Variants in SRGAP2B observed in about 807,000 individuals in gnomAD.
The protein encoded by SRGAP2B is SLIT-ROBO Rho GTPase-activating protein 2B.
In SRGAP2B, 9 loss-of-function variants were observed where a neutral mutation model predicts 22.2. The observed-to-expected ratio is 0.41, with a 90% CI of 0.24 to 0.71. SRGAP2B has a LOEUF of 0.71. Among genes scored for constraint, SRGAP2B ranks in the 30% least tolerant of loss-of-function variants. The probability of loss-of-function intolerance (pLI) is 0.35; values close to 1 mark genes in which losing one functional copy is unlikely to be tolerated. For synonymous variants in SRGAP2B, 36 were observed against 87.4 expected (o/e 0.41, Z 3.28); for missense variants, 114 against 235.8 (o/e 0.48, Z 3.38).
chr1:145,006,303 G>A (rs1440712909), intron 2 of SRGAP2B, among the ~76,000 whole-genome samples: 2 of 150,876 alleles, frequency 1.3e-5, no homozygotes, highest in East Asian at 3.9e-4. Flanking sequence ...AGATGCAGTA[G>A]CTTCACATAG....
intron 6 of SRGAP2B, among the ~76,000 whole-genome samples, chr1:144,905,479 C>G (rs1362949055): frequency 6.7e-6 from 1 of 149,624 alleles, no homozygotes; most frequent in Admixed American, 6.6e-5. Flanking sequence ...TTCATTCTTG[C>G]AATGCCACTC....
intron 2 of SRGAP2B, among the ~76,000 whole-genome samples, chr1:145,061,821 T>C (rs1240533486): frequency 7.6e-6 from 1 of 131,644 alleles, no homozygotes; most frequent in Non-Finnish European, 1.6e-5. Context: ...CATTTACATA[T>C]TTTTAAGTTA....
At position 144,932,429 on chromosome 1, in the gene SRGAP2B, C is replaced by T. The variant is rs1553344255; in HGVS notation, c.424-17675G>A. 5.3e-5 allele frequency among the ~76,000 whole-genome samples: 8 copies of T among 151,116 alleles called. 1 individual carries two copies. Among genetic ancestry groups the T allele is most frequent in the African/African-American group, 9.9e-5 (4 of 40,512 alleles). On this transcript the variant is annotated intron_variant, in intron 4 of 9. Coordinates refer to ENST00000612199, the Ensembl canonical transcript of SRGAP2B. ...GTAGATGGGGTGGACTCGTCAGTTC[C>T]GCATTCCTCCTGGCATTAGGGCTTT...
Position 145,040,429 on chromosome 1 carries a change from A to C in SRGAP2B, c.68-45229T>G, listed in dbSNP as rs1451705269. On this transcript the variant is annotated intron_variant, in intron 2 of 9. Coordinates refer to ENST00000612199, the Ensembl canonical transcript of SRGAP2B. ...TCAACAGTAGCCAGAGTGTCTCCTCAAAACTTAAATTAGATCATTTAATTC... is the reference window on the plus strand; with the variant it reads ...TCAACAGTAGCCAGAGTGTCTCCTCCAAACTTAAATTAGATCATTTAATTC... 2.0e-5 allele frequency among the ~76,000 whole-genome samples: 3 copies of C among 148,514 alleles called. 1 individual carries two copies. The highest frequency in any genetic ancestry group is 7.6e-5 in the African/African-American group (3 of 39,216).
intron 2 of SRGAP2B, among the ~76,000 whole-genome samples, chr1:145,015,737 A>G (rs1332563689): frequency 8.8e-6 from 1 of 113,170 alleles, no homozygotes; most frequent in African/African-American, 3.7e-5. Flanking sequence ...GAACCGAAAT[A>G]ATCGAAGAAA....
chr1:144,990,739 C>T (rs1350119842), intron 3 of SRGAP2B, among the ~76,000 whole-genome samples: 1 of 151,114 alleles, frequency 6.6e-6, no homozygotes. Flanking sequence ...GCCCCGCACT[C>T]GGAGCAGCCG....
chr1:145,022,107 G>A (rs1480579102), intron 2 of SRGAP2B, among the ~76,000 whole-genome samples: 1 of 137,960 alleles, frequency 7.2e-6, no homozygotes, highest in Non-Finnish European at 1.5e-5. Flanking sequence ...CCAGCCTAAG[G>A]AAAACCCCAG....
chr1:145,066,586 C>G (rs1414859505), intron 2 of SRGAP2B, among the ~76,000 whole-genome samples: 2 of 150,246 alleles, frequency 1.3e-5, no homozygotes, highest in African/African-American at 2.5e-5. Flanking sequence ...CTGGAGTGTT[C>G]TTTCTACTTG....
At chr1:144,923,244 A>T (rs587709318) in intron 4 of SRGAP2B, among the ~76,000 whole-genome samples, 2 of 150,976 alleles carry the variant, frequency 1.3e-5, no homozygotes, top group South Asian at 2.1e-4. Flanking sequence ...AAAACAGACA[A>T]TCAAATCTAA....
chr1:145,020,423 T>G (rs1197018350), intron 2 of SRGAP2B, among the ~76,000 whole-genome samples: 17 of 125,972 alleles, frequency 1.3e-4, no homozygotes, highest in Admixed American at 1.3e-3. Context: ...AGAGAGACCT[T>G]GTCTCTTTAA....
intron 4 of SRGAP2B, among the ~76,000 whole-genome samples, chr1:144,934,470 AT>A (rs1202569062): frequency 6.7e-6 from 1 of 149,106 alleles, no homozygotes; most frequent in African/African-American, 2.5e-5. Context: ...TCTATAAAAA[AT>A]GTGATATTTC....
chr1:144,915,303 T>A (rs1454738098), intron 4 of SRGAP2B, among the ~76,000 whole-genome samples: 2 of 150,660 alleles, frequency 1.3e-5, no homozygotes, highest in Non-Finnish European at 2.9e-5. Flanking sequence ...GCCTGAGAGA[T>A]TAGCTGTTAC....
At chr1:144,934,226 G>A (rs1665447091) in intron 4 of SRGAP2B, among the ~76,000 whole-genome samples, 1 of 150,382 alleles carries the variant, frequency 6.6e-6, no homozygotes, top group Admixed American at 6.6e-5. Context: ...CCAACATAGT[G>A]AAACCCTGTC....
At chr1:144,948,909 CTT>C (rs57634038) in intron 4 of SRGAP2B, among the ~76,000 whole-genome samples, 12 of 100,228 alleles carry the variant, frequency 1.2e-4, no homozygotes, top group Non-Finnish European at 2.2e-4. Flanking sequence ...ATATGGACCT[CTT>C]TTTTTTTTTT....
chr1:144,974,072 G>A (rs797025113), intron 3 of SRGAP2B, among the ~76,000 whole-genome samples: 9 of 150,930 alleles, frequency 6.0e-5, no homozygotes, highest in African/African-American at 7.4e-5. Context: ...GGGTATAAAC[G>A]TCTAGAAAAA....
chr1:144,976,003 A>G (rs1184247883), intron 3 of SRGAP2B, among the ~76,000 whole-genome samples: 2 of 147,748 alleles, frequency 1.4e-5, no homozygotes, highest in African/African-American at 5.2e-5. Context: ...CCTCCCCAGT[A>G]GCTGGGACCA....
intron 3 of SRGAP2B, among the ~76,000 whole-genome samples, chr1:144,993,263 C>T (rs1384833768): frequency 4.0e-5 from 6 of 151,230 alleles, no homozygotes; most frequent in African/African-American, 1.2e-4. Flanking sequence ...GTGAATGGAA[C>T]AGCATTTCCC....
chr1:144,941,090 T>C (rs1158306197), intron 4 of SRGAP2B, among the ~76,000 whole-genome samples: 2 of 147,652 alleles, frequency 1.4e-5, no homozygotes, highest in African/African-American at 5.1e-5. Context: ...CTTTTTATTA[T>C]GTTTTTACCC....
chr1:144,928,840 G>T (rs1664966420), intron 4 of SRGAP2B, among the ~76,000 whole-genome samples: 1 of 145,704 alleles, frequency 6.9e-6, no homozygotes. Flanking sequence ...GGAATTGATG[G>T]GTCACAGGTT....
Sources: gnomAD v4.1 joint callset for allele counts (sites outside exome capture counted in the v4.1 genomes callset) on GRCh38, gnomAD v4.1.1 for gene constraint, MANE v1.5 for transcripts, NCBI Gene and HGNC (gene_info 2026-07-23, HGNC 2026-07-21) for gene names.